SUMF1: variants seen among roughly 807,000 people sequenced by gnomAD.
SUMF1 encodes the protein sulfatase modifying factor 1.
A neutral mutation model predicts 47.6 loss-of-function variants in SUMF1; 48 were observed. The ratio of observed to expected loss-of-function variants is 1.01; its 90% CI spans 0.80 to 1.28. The LOEUF (loss-of-function observed/expected upper bound fraction) is 1.28, where lower values mean the gene tolerates loss of function less well. Ranked by LOEUF, SUMF1 falls within the 50% of genes most tolerant of loss-of-function variation. SUMF1 has a pLI of 0.00. For missense variants in SUMF1, 571 were observed against 485.4 expected (o/e 1.18, Z -1.66); for synonymous variants, 230 against 192.1 (o/e 1.20, Z -1.63).
intron 8 of SUMF1, among the ~76,000 whole-genome samples, chr3:4,323,005 G>A (rs1483131080): frequency 1.3e-5 from 2 of 152,010 alleles, no homozygotes; most frequent in Admixed American, 6.6e-5. Context: ...GCCGATGAAT[G>A]AATAAACAAA....
intron 8 of SUMF1, among the ~76,000 whole-genome samples, chr3:4,172,343 T>C (rs1240548289): frequency 6.6e-6 from 1 of 152,188 alleles, no homozygotes; most frequent in Non-Finnish European, 1.5e-5. Context: ...AGCTTGATTT[T>C]AGACACGTTG....
At chr3:4,215,831 A>G (rs1054987100) in intron 8 of SUMF1, among the ~76,000 whole-genome samples, 3 of 152,178 alleles carry the variant, frequency 2.0e-5, no homozygotes, top group African/African-American at 7.2e-5. Flanking sequence ...TACAACTCAT[A>G]AGGAATGTGA....
chr3:4,263,322 C>T (rs1177569599), intron 8 of SUMF1, among the ~76,000 whole-genome samples: 1 of 152,106 alleles, frequency 6.6e-6, no homozygotes, highest in African/African-American at 2.4e-5. Context: ...GAAATTGTCT[C>T]GTTCTAAATC....
chr3:4,244,064 G>A (rs1403532003), intron 8 of SUMF1, among the ~76,000 whole-genome samples: 1 of 152,134 alleles, frequency 6.6e-6, no homozygotes, highest in African/African-American at 2.4e-5. Flanking sequence ...TGTTTTATGA[G>A]AGACTAGGAT....
intron 8 of SUMF1, among the ~76,000 whole-genome samples, chr3:4,253,733 G>A (rs1307825682): frequency 6.8e-6 from 1 of 147,298 alleles, no homozygotes; most frequent in Admixed American, 6.7e-5. Context: ...AAAGCAGCCA[G>A]GAAGCTCGAA....
chr3:4,367,489 A>G (rs1700016361), intron 8 of SUMF1, among the ~76,000 whole-genome samples: 1 of 151,936 alleles, frequency 6.6e-6, no homozygotes, highest in Non-Finnish European at 1.5e-5. Context: ...AAACTACTTT[A>G]AAGTTCATAT....
chr3:4,123,755 T>G (rs1468297548), intron 8 of SUMF1, among the ~76,000 whole-genome samples: 2 of 152,172 alleles, frequency 1.3e-5, no homozygotes, highest in African/African-American at 2.4e-5. Context: ...ATTTGCACCT[T>G]GATTTTCTCT....
intron 8 of SUMF1, among the ~76,000 whole-genome samples, chr3:4,339,175 G>T (rs1200174228): frequency 1.3e-5 from 2 of 152,086 alleles, no homozygotes; most frequent in Non-Finnish European, 1.5e-5. Context: ...TTTCACTCAT[G>T]CTGCTTTCCT....
intron 8 of SUMF1, among the ~76,000 whole-genome samples, chr3:4,268,927 T>A (rs1477645720): frequency 1.3e-5 from 2 of 152,142 alleles, no homozygotes; most frequent in African/African-American, 2.4e-5. Context: ...TGCTTTCACT[T>A]AAGTTGCAAA....
intron 8 of SUMF1, among the ~76,000 whole-genome samples, chr3:4,296,574 C>T (rs1038249235): frequency 1.3e-5 from 2 of 152,074 alleles, no homozygotes; most frequent in Non-Finnish European, 2.9e-5. Flanking sequence ...GGGAACTGCC[C>T]TTTTATAAAA....
intron 8 of SUMF1, among the ~76,000 whole-genome samples, chr3:4,355,016 T>C (rs1026608270): frequency 2.0e-4 from 31 of 152,190 alleles, no homozygotes; most frequent in African/African-American, 7.2e-4. Flanking sequence ...CCAGACAATC[T>C]TATCCCAAGG....
intron 8 of SUMF1, among the ~76,000 whole-genome samples, chr3:4,132,161 C>G (rs1332005929): frequency 6.6e-6 from 1 of 152,142 alleles, no homozygotes; most frequent in Non-Finnish European, 1.5e-5. Flanking sequence ...ATGAGTTTTC[C>G]TATCCCGCTC....
At chr3:4,432,949 G>A (rs186584271) in intron 3 of SUMF1, among the ~76,000 whole-genome samples, 4 of 152,194 alleles carry the variant, frequency 2.6e-5, no homozygotes, top group Non-Finnish European at 4.4e-5. Context: ...ACCCTCTTCC[G>A]CATAAACATC....
intron 8 of SUMF1, among the ~76,000 whole-genome samples, chr3:4,073,610 A>T (rs1692340956): frequency 6.6e-6 from 1 of 152,206 alleles, no homozygotes; most frequent in South Asian, 2.1e-4. Flanking sequence ...GCAAAGACAC[A>T]TATAGGCTCA....
intron 8 of SUMF1, among the ~76,000 whole-genome samples, chr3:4,293,212 G>C (rs539732862): frequency 6.6e-6 from 1 of 152,224 alleles, no homozygotes; most frequent in East Asian, 1.9e-4. Context: ...TATGTAACTG[G>C]AAGTGGAAGA....
chr3:4,300,262 T>C (rs754935928), intron 8 of SUMF1, among the ~76,000 whole-genome samples: 21 of 152,186 alleles, frequency 1.4e-4, no homozygotes, highest in Admixed American at 3.9e-4. Context: ...CTGCTTCCTC[T>C]TCACCTTCTA....
At chr3:4,401,082 G>C (rs1055702770) in intron 7 of SUMF1, among the ~76,000 whole-genome samples, 1 of 150,376 alleles carries the variant, frequency 6.6e-6, no homozygotes, top group East Asian at 2.0e-4. Context: ...TTCTGTCCTT[G>C]TGATAGTTTG....
At chr3:4,266,391 C>A (rs537872021) in intron 8 of SUMF1, among the ~76,000 whole-genome samples, 1 of 152,234 alleles carries the variant, frequency 6.6e-6, no homozygotes, top group Admixed American at 6.5e-5. Context: ...TTGTTTGTAT[C>A]CTCTTTTATC....
At chr3:4,063,146 T>G (rs992584648) in intron 9 of SUMF1, among the ~76,000 whole-genome samples, 3 of 151,972 alleles carry the variant, frequency 2.0e-5, no homozygotes, top group Non-Finnish European at 4.4e-5. Flanking sequence ...GACACTAAGG[T>G]TAAAGAAACC....
Sources: allele counts gnomAD v4.1 joint callset (sites outside exome capture counted in the v4.1 genomes callset), GRCh38; gene constraint gnomAD v4.1.1; transcripts MANE v1.5; gene names NCBI Gene and HGNC (gene_info 2026-07-23, HGNC 2026-07-21).